MED13: variants seen among roughly 807,000 people sequenced by gnomAD.
The protein encoded by MED13 is mediator complex subunit 13.
MED13 carries 23 observed loss-of-function variants against 225.2 expected under a neutral mutation model. That is an observed-to-expected ratio of 0.10 (90% CI 0.07 to 0.14). MED13 has a LOEUF of 0.14. Among genes scored for constraint, MED13 ranks in the 10% least tolerant of loss-of-function variants. The pLI, the probability that MED13 is intolerant of heterozygous loss-of-function variation, is 1.00. For synonymous variants in MED13, 942 were observed against 889.2 expected (o/e 1.06, Z -1.06); for missense variants, 2,197 against 2,594.5 (o/e 0.85, Z 3.33).
At chr17:61,946,862 C>T in intron 29 of MED13, 55 bp downstream of exon 29, 3 of 1,446,876 alleles carry the variant, frequency 2.1e-6, no homozygotes, top group African/African-American at 1.4e-5. Context: ...TAAGAATCAA[C>T]ATTATATTCT....
rs112717906 is a variant in MED13, at chr17:62,039,737, G to A, written c.471-4129C>T. On this transcript the variant is annotated intron_variant, in intron 3 of 29. Coordinates refer to ENST00000397786, the MANE Select transcript of MED13 (RefSeq NM_005121.3). ...CTCCCAAGTAGCTGGGATGACAGGC[G>A]CCTGCCACTGCGTCCGGCTAGTTTT... Among the ~76,000 whole-genome samples the A allele has an allele frequency of 7.8e-4, 118 of 151,938 alleles. 3 individuals are homozygous for A. The highest frequency in any genetic ancestry group is 2.6e-3 in the African/African-American group (108 of 41,456).
intron 16 of MED13, among the ~76,000 whole-genome samples, chr17:61,978,389 T>G (rs2080175082): frequency 6.6e-6 from 1 of 152,088 alleles, no homozygotes; most frequent in South Asian, 2.1e-4. Flanking sequence ...GTAGCTGGGA[T>G]TATAGGCATG....
At chr17:62,020,856 C>T (rs202238099) in intron 8 of MED13, among the ~76,000 whole-genome samples, 23 of 150,870 alleles carry the variant, frequency 1.5e-4, no homozygotes, top group African/African-American at 4.4e-4. Context: ...TGTTTGTGTC[C>T]CTGGGTACTT....
chr17:61,975,592 G>C (rs1449941792), intron 16 of MED13, among the ~76,000 whole-genome samples: 1 of 152,230 alleles, frequency 6.6e-6, no homozygotes, highest in Non-Finnish European at 1.5e-5. Context: ...GGTGGTGCAT[G>C]CTTGTAATCC....
At chr17:62,064,814 G>A (rs1420033629) in intron 1 of MED13, among the ~76,000 whole-genome samples, 1 of 152,168 alleles carries the variant, frequency 6.6e-6, no homozygotes, top group African/African-American at 2.4e-5. Flanking sequence ...GGCCAATAAG[G>A]AGAAAAGCAA....
At chr17:62,034,808 T>C (rs1225063459) in intron 4 of MED13, among the ~76,000 whole-genome samples, 1 of 152,066 alleles carries the variant, frequency 6.6e-6, no homozygotes, top group Non-Finnish European at 1.5e-5. Flanking sequence ...AAAAGTCCCT[T>C]TGTAGCTATG....
At chr17:62,015,888 C>T (rs117833405) in intron 8 of MED13, among the ~76,000 whole-genome samples, 8,033 of 68,064 alleles carry the variant, frequency 0.12, 780 homozygotes, top group East Asian at 0.29. Context: ...TATATATATA[C>T]ACACACACAC....
intron 12 of MED13, 60 bp from the exon 13 acceptor site, chr17:61,985,150 T>A (rs749253231): frequency 4.9e-5 from 67 of 1,379,712 alleles, no homozygotes; most frequent in Admixed American, 7.2e-5. Context: ...CTCAAAATAG[T>A]AATCATTCAG....
chr17:62,049,269 T>C (rs1382388111), intron 3 of MED13, among the ~76,000 whole-genome samples: 1 of 152,028 alleles, frequency 6.6e-6, no homozygotes, highest in Admixed American at 6.6e-5. Context: ...CTCATAAGAT[T>C]ATACAAAGTC....
Position 62,011,129 on chromosome 17 carries a change from T to G in MED13, c.1388A>C (p.Glu463Ala). The stretch of plus-strand genomic sequence containing the variant: ...GCGTTTCTGTGGCTTTTCACTCTTT[T>G]CTTGCTTCTCATTGGTCTTGTGCTT... ...LPKHKTNEKQ[E>A]KSEKPQKRPL... is the part of the protein sequence containing the mutation. Residue 463 changes from glutamate to alanine, a missense_variant, in exon 9 of 30, where the codon GAA becomes GCA. Around this residue, in one of 12 missense-constraint regions of MED13, gnomAD observed 884 missense variants for 918.5 expected, o/e 0.96. Coordinates refer to ENST00000397786, the MANE Select transcript of MED13 (RefSeq NM_005121.3). The G allele has an allele frequency of 1.2e-6, 2 of 1,614,236 alleles. No homozygotes were observed. Among genetic ancestry groups the G allele is most frequent in the Non-Finnish European group, 1.7e-6 (2 of 1,180,042 alleles).
chr17:62,048,828 A>G (rs34259829), intron 3 of MED13, among the ~76,000 whole-genome samples: 2,067 of 152,294 alleles, frequency 0.014, 21 homozygotes, highest in Non-Finnish European at 0.02. Context: ...CTGCAATGTC[A>G]TAAGCTACTC....
chr17:61,963,480 C>CT (rs1198784781), intron 20 of MED13, among the ~76,000 whole-genome samples: 2 of 151,526 alleles, frequency 1.3e-5, no homozygotes, highest in Admixed American at 1.3e-4. Flanking sequence ...ATATATATAT[C>CT]TTTTTTTTGA....
chr17:62,044,232 T>TAA (rs202062449), intron 3 of MED13, among the ~76,000 whole-genome samples: 2 of 146,648 alleles, frequency 1.4e-5, no homozygotes, highest in African/African-American at 2.5e-5. Context: ...TTTACTTCCT[T>TAA]AAAAAAAAAA....
intron 3 of MED13, among the ~76,000 whole-genome samples, chr17:62,048,398 C>CAAA (rs555420453): frequency 2.2e-4 from 15 of 68,082 alleles, no homozygotes; most frequent in Admixed American, 4.3e-4. Flanking sequence ...GAGACTGTTT[C>CAAA]AAAAAAAAAA....
At chr17:61,967,711 G>C (rs553535020) in intron 18 of MED13, among the ~76,000 whole-genome samples, 1 of 152,118 alleles carries the variant, frequency 6.6e-6, no homozygotes, top group East Asian at 1.9e-4. Context: ...ATAAAGACTA[G>C]AATTTTTGTA....
intron 2 of MED13, among the ~76,000 whole-genome samples, chr17:62,060,158 C>G (rs1460932788): frequency 6.6e-6 from 1 of 151,902 alleles, no homozygotes; most frequent in Non-Finnish European, 1.5e-5. Context: ...CCGAGTGTGG[C>G]AGCATGTGCC....
In MED13 at chr17:61,960,721, C is replaced by T. The variant is rs116554300; in HGVS notation, c.5480+146G>A. ...GTTAGTTATACAATATAAACATTCA[C>T]TAAAGAAAAAAGTAAAAAGCACCCA... is the stretch of plus-strand genomic sequence containing the variant. On this transcript the variant is annotated intron_variant, in intron 23 of 29. Transcript: ENST00000397786. The T allele has an allele frequency of 1.3e-3, 636 of 507,738 alleles. 3 individuals are homozygous for T. Among genetic ancestry groups the T allele is most frequent in the African/African-American group, 0.011 (544 of 51,366 alleles). The allele number at this position is 507,738 out of a possible 1,614,324, so 31.5% of individuals were successfully genotyped here.
intron 3 of MED13, among the ~76,000 whole-genome samples, chr17:62,042,327 G>A (rs2080859256): frequency 6.6e-6 from 1 of 152,030 alleles, no homozygotes; most frequent in Non-Finnish European, 1.5e-5. Context: ...ACTTTGGGAG[G>A]CCAAGGCGGG....
intron 2 of MED13, among the ~76,000 whole-genome samples, chr17:62,057,504 A>G (rs2081004986): frequency 6.6e-6 from 1 of 152,174 alleles, no homozygotes; most frequent in Non-Finnish European, 1.5e-5. Flanking sequence ...TAAATTTTAC[A>G]ATAGTAGAAA....
Sources: gnomAD v4.1 joint callset for allele counts (sites outside exome capture counted in the v4.1 genomes callset) on GRCh38, gnomAD v4.1.1 for gene constraint, gnomAD v4.1.1 regional missense constraint, MANE v1.5 for transcripts, NCBI Gene and HGNC (gene_info 2026-07-23, HGNC 2026-07-21) for gene names.